The following GLB1L3 variants were observed in gnomAD, a reference collection of about 807,000 sequenced individuals.
GLB1L3 encodes the protein galactosidase beta 1 like 3, also known as beta-galactosidase-1-like protein 3.
GLB1L3 carries 89 observed loss-of-function variants against 89.5 expected under a neutral mutation model. The observed-to-expected ratio is 0.99, with a 90% CI of 0.84 to 1.19. The LOEUF (loss-of-function observed/expected upper bound fraction) is 1.19. GLB1L3 is among the 50% of genes most tolerant of loss of function. The pLI, the probability that GLB1L3 is intolerant of heterozygous loss-of-function variation, is 0.00. For synonymous variants in GLB1L3, 314 were observed against 312.3 expected, an observed-to-expected ratio of 1.01 and a Z score of -0.06; for missense variants, 812 against 813.3, an observed-to-expected ratio of 1.00 and a Z score of 0.02.
At position 134,318,206 on chromosome 11, in the gene GLB1L3, A is replaced by G. The variant is rs376569288; in HGVS notation, c.1780-425A>G. On this transcript the variant is annotated intron_variant, in intron 18 of 19. Coordinates refer to ENST00000431683, the MANE Select transcript of GLB1L3 (RefSeq NM_001080407.3). The stretch of plus-strand genomic sequence containing the variant: ...GGTGCCTCTAGTGGAAAAACTGCCT[A>G]GATGTCTCCTTGTCTCTCCATTTTC... 1.1e-4 allele frequency among the ~76,000 whole-genome samples: 17 copies of G among 152,178 alleles called. No homozygotes were observed. The East Asian group carries it at 1.3e-3, about 12-fold the overall frequency.
chr11:134,291,718 T>C (rs1257334051), intron 7 of GLB1L3, among the ~76,000 whole-genome samples: 14 of 152,210 alleles, frequency 9.2e-5, no homozygotes, highest in Admixed American at 8.5e-4. Flanking sequence ...CTCATACCTG[T>C]AATCTGAGTG....
intron 9 of GLB1L3, among the ~76,000 whole-genome samples, chr11:134,300,921 G>A (rs182194288): frequency 6.6e-5 from 10 of 152,306 alleles, no homozygotes; most frequent in East Asian, 1.9e-4. Flanking sequence ...GAATTTGGCT[G>A]GGGGACGCAA....
intron 9 of GLB1L3, chr11:134,305,036 T>C: frequency 6.7e-7 from 1 of 1,500,620 alleles, no homozygotes; most frequent in East Asian, 2.5e-5. Flanking sequence ...AATAACAATG[T>C]ATCTTAGTGG....
At chr11:134,304,455 T>C (rs1255770252) in intron 9 of GLB1L3, among the ~76,000 whole-genome samples, 6 of 152,208 alleles carry the variant, frequency 3.9e-5, no homozygotes, top group African/African-American at 1.2e-4. Context: ...ACACAAGTTA[T>C]GTGTAATGCA....
Position 134,309,608 on chromosome 11 carries a change from T to C in GLB1L3, c.962-18T>C. ...TTAATTTCTAACATTCTCTGTGTTC[T>C]CATGTTCCCCTTTGCAGAGGTTGAA... is the stretch of plus-strand genomic sequence containing the variant. On this transcript the variant is annotated intron_variant, in intron 10 of 19. Coordinates refer to ENST00000431683, the MANE Select transcript of GLB1L3 (RefSeq NM_001080407.3). The C allele has an allele frequency of 6.4e-7, 1 of 1,565,056 alleles. No homozygotes were observed. The highest frequency in any genetic ancestry group is 8.7e-7 in the Non-Finnish European group (1 of 1,149,352).
intron 9 of GLB1L3, among the ~76,000 whole-genome samples, chr11:134,294,689 A>G (rs1447297327): frequency 6.6e-6 from 1 of 152,178 alleles, no homozygotes; most frequent in Non-Finnish European, 1.5e-5. Flanking sequence ...TTCCAGTTCT[A>G]TAAATTTACC....
At chr11:134,286,744 T>C (rs1008187968) in intron 6 of GLB1L3, among the ~76,000 whole-genome samples, 1 of 150,776 alleles carries the variant, frequency 6.6e-6, no homozygotes, top group Non-Finnish European at 1.5e-5. Context: ...GCCACCGCAC[T>C]CCAGCCTGGG....
intron 9 of GLB1L3, among the ~76,000 whole-genome samples, chr11:134,306,919 G>A (rs1439340326): frequency 6.6e-6 from 1 of 152,244 alleles, no homozygotes; most frequent in East Asian, 1.9e-4. Flanking sequence ...TGGAGACCAT[G>A]GACGTTTAGG....
At chr11:134,297,531 T>C (rs1941712364) in intron 9 of GLB1L3, among the ~76,000 whole-genome samples, 1 of 152,162 alleles carries the variant, frequency 6.6e-6, no homozygotes, top group Admixed American at 6.5e-5. Context: ...ACTTATTACT[T>C]ATGTCAGTTT....
At chr11:134,303,736 G>A (rs1942052865) in intron 9 of GLB1L3, among the ~76,000 whole-genome samples, 1 of 151,986 alleles carries the variant, frequency 6.6e-6, no homozygotes, top group Non-Finnish European at 1.5e-5. Flanking sequence ...TTCAGTTTTA[G>A]CCCAATATTT....
rs186892894 is a variant in GLB1L3 at position 134,286,692 on chromosome 11, A to G, written c.637-2106A>G. Among the ~76,000 whole-genome samples the G allele has an allele frequency of 1.7e-3, 257 of 151,144 alleles. 1 individual carries two copies. The highest frequency in any genetic ancestry group is 5.3e-3 in the African/African-American group (219 of 41,188). On this transcript the variant is annotated intron_variant, in intron 6 of 19. Transcript: ENST00000431683. ...CTCGGGAGGCTGAGGCAGGAGAATG[A>G]CGTGAACCCGGGGGGCGGAGCTTGC...
At chr11:134,294,103 G>C (rs1417736912) in intron 9 of GLB1L3, among the ~76,000 whole-genome samples, 1 of 150,354 alleles carries the variant, frequency 6.7e-6, no homozygotes, top group African/African-American at 2.5e-5. Flanking sequence ...TCTCACTCTT[G>C]TTGCCCAGGC....
downstream of GLB1L3, among the ~76,000 whole-genome samples, chr11:134,323,214 A>G (rs1158741745): frequency 1.3e-5 from 2 of 152,148 alleles, no homozygotes; most frequent in African/African-American, 2.4e-5. Flanking sequence ...AAGTCATGCA[A>G]TTGGACTTTA....
chr11:134,308,478 CACCACCACCATCACCACCAAAT>C (rs1392520636), intron 10 of GLB1L3, among the ~76,000 whole-genome samples: 1 of 6,644 alleles, frequency 1.5e-4, no homozygotes, highest in Admixed American at 1.8e-3. Context: ...CACCAAATAC[CACCACCACCATCACCACCAAAT>C]ACCACCACCA....
At chr11:134,291,992 T>G in intron 7 of GLB1L3, 140 bp from the exon 8 acceptor site, 1 of 646,982 alleles carries the variant, frequency 1.5e-6, no homozygotes, top group South Asian at 2.2e-5. Context: ...AAATTTAAAA[T>G]TAAAAAAGTA....
Position 134,277,356 on chromosome 11 carries a change from C to T in GLB1L3, c.54C>T (p.Gly18=), listed in dbSNP as rs754916305. Residue 18 remains glycine (G), a synonymous_variant, in exon 2 of 20, where the codon GGC becomes GGT. Coordinates refer to ENST00000431683, the MANE Select transcript of GLB1L3 (RefSeq NM_001080407.3). Reference sequence around the variant, plus strand: ...GTCTCTCCTGGAAGAGAATGGCGGGCATCTTTTTCCTGCCATTTATCTCAT... The same window carrying T: ...GTCTCTCCTGGAAGAGAATGGCGGGTATCTTTTTCCTGCCATTTATCTCAT... ...SPCLSWKRMA[G]IFFLPFISSG... 6.2e-7 allele frequency: 1 copy of T among 1,613,410 alleles called. No individual in the cohort carries two copies. The highest frequency in any genetic ancestry group is 2.2e-5 in the East Asian group (1 of 44,782).
At chr11:134,308,373 ACC>A (rs2136203545) in intron 10 of GLB1L3, among the ~76,000 whole-genome samples, 7 of 95,118 alleles carry the variant, frequency 7.4e-5, no homozygotes, top group Non-Finnish European at 1.4e-4. Flanking sequence ...CACCACCACC[ACC>A]ACCATCACCA....
At chr11:134,306,562 G>A (rs536131429) in intron 9 of GLB1L3, among the ~76,000 whole-genome samples, 5 of 152,302 alleles carry the variant, frequency 3.3e-5, no homozygotes, top group African/African-American at 1.2e-4. Flanking sequence ...GAGGACTCCA[G>A]GAGTGCAGCT....
chr11:134,299,200 C>T (rs1335727729), intron 9 of GLB1L3, among the ~76,000 whole-genome samples: 1 of 151,894 alleles, frequency 6.6e-6, no homozygotes, highest in African/African-American at 2.4e-5. Context: ...AATTATCTAT[C>T]TGATCTTGCA....
Sources: allele counts gnomAD v4.1 joint callset (sites outside exome capture counted in the v4.1 genomes callset), GRCh38; gene constraint gnomAD v4.1.1; transcripts MANE v1.5; gene names NCBI Gene and HGNC (gene_info 2026-07-23, HGNC 2026-07-21).